The following VPS35L variants were observed in gnomAD, a reference collection of about 807,000 sequenced individuals.
The protein encoded by VPS35L is VPS35 endosomal protein-sorting factor-like.
VPS35L carries 83 observed loss-of-function variants against 133.0 expected under a neutral mutation model. The observed-to-expected ratio is 0.62, with a 90% CI of 0.52 to 0.75. VPS35L has a LOEUF of 0.75. Ranked by LOEUF, VPS35L falls within the 30% of genes least tolerant of loss-of-function variation. VPS35L has a pLI of 0.00. For synonymous variants in VPS35L, 423 were observed against 449.9 expected, an observed-to-expected ratio of 0.94 and a Z score of 0.76; for missense variants, 1,083 against 1,206.8, an observed-to-expected ratio of 0.90 and a Z score of 1.52.
At chr16:19,593,400 A>G (rs1567407434) in intron 8 of VPS35L, among the ~76,000 whole-genome samples, 1 of 152,222 alleles carries the variant, frequency 6.6e-6, no homozygotes, top group East Asian at 1.9e-4. Flanking sequence ...GAAAGATACA[A>G]TGTGTCAGAA....
At chr16:19,634,298 G>T (rs934147127) in intron 19 of VPS35L, among the ~76,000 whole-genome samples, 1 of 151,856 alleles carries the variant, frequency 6.6e-6, no homozygotes, top group South Asian at 2.1e-4. Flanking sequence ...TTAGCCATGC[G>T]TGGTGGTGCA....
intron 14 of VPS35L, among the ~76,000 whole-genome samples, chr16:19,622,168 G>T (rs1973106307): frequency 1.7e-5 from 2 of 118,374 alleles, no homozygotes; most frequent in African/African-American, 3.1e-5. Context: ...TTTTTAAGAC[G>T]GAGTCCTGCT....
At chr16:19,628,777 T>TTGTA in intron 17 of VPS35L, 24 bp downstream of exon 17, 1 of 787,264 alleles carries the variant, frequency 1.3e-6, no homozygotes, top group Non-Finnish European at 1.8e-6. Flanking sequence ...TTATTTTTAT[T>TTGTA]TTTATTTATT....
chr16:19,572,256 A>G (rs764944270), intron 3 of VPS35L, among the ~76,000 whole-genome samples: 1 of 152,122 alleles, frequency 6.6e-6, no homozygotes, highest in African/African-American at 2.4e-5. Flanking sequence ...CATCTCTACT[A>G]AAAATACAAA....
intron 24 of VPS35L, among the ~76,000 whole-genome samples, chr16:19,648,485 T>A (rs1974023507): frequency 1.3e-5 from 2 of 152,032 alleles, no homozygotes; most frequent in African/African-American, 4.8e-5. Context: ...TAACAAGAGG[T>A]TCCCTACTTT....
intron 22 of VPS35L, 35 bp from the exon 23 acceptor site, chr16:19,644,850 AC>A (rs2055913035): frequency 1.4e-6 from 2 of 1,443,962 alleles, no homozygotes; most frequent in African/African-American, 2.8e-5. Context: ...TTCATCTATT[AC>A]CTCCGTGTTA....
intron 27 of VPS35L, among the ~76,000 whole-genome samples, chr16:19,675,020 A>C (rs1344491078): frequency 6.7e-6 from 1 of 150,308 alleles, no homozygotes; most frequent in Non-Finnish European, 1.5e-5. Context: ...GCATAATCAC[A>C]CTAGCGGCAT....
chr16:19,580,907 C>G (rs2151517327), intron 6 of VPS35L, among the ~76,000 whole-genome samples: 1 of 152,218 alleles, frequency 6.6e-6, no homozygotes, highest in South Asian at 2.1e-4. Flanking sequence ...TGGTTCCTGT[C>G]AGTGATCAGC....
chr16:19,609,082 A>G (rs1355853837), intron 11 of VPS35L, 61 bp downstream of exon 11: 2 of 1,396,126 alleles, frequency 1.4e-6, no homozygotes, highest in Non-Finnish European at 2.0e-6. Flanking sequence ...ATGTGTACAC[A>G]GATAGTAATG....
chr16:19,591,702 A>G (rs909920413), intron 7 of VPS35L, 88 bp from the exon 8 acceptor site: 6 of 995,990 alleles, frequency 6.0e-6, no homozygotes, highest in Non-Finnish European at 9.3e-6. Flanking sequence ...CAACTTGTAT[A>G]TAGAAACCAT....
chr16:19,688,320 C>G (rs1371325108), intron 28 of VPS35L, among the ~76,000 whole-genome samples: 1 of 152,134 alleles, frequency 6.6e-6, no homozygotes, highest in Non-Finnish European at 1.5e-5. Flanking sequence ...GAGACAGTAT[C>G]CTTCCTACTT....
At chr16:19,685,385 C>T (rs1178603656) in intron 28 of VPS35L, among the ~76,000 whole-genome samples, 1 of 152,188 alleles carries the variant, frequency 6.6e-6, no homozygotes, top group African/African-American at 2.4e-5. Flanking sequence ...TTTTGCATTG[C>T]TGTATAGTAT....
At position 19,575,093 on chromosome 16, in the gene VPS35L, T is replaced by C; in HGVS notation, c.409-5T>C. The stretch of plus-strand genomic sequence containing the variant: ...AAAATATTAATGAATTTTATGTCTC[T>C]GCAGAATCTGTTTATGGGATCTGAA... On this transcript the variant is annotated splice_region_variant and splice_polypyrimidine_tract_variant and intron_variant, in intron 4 of 30. Coordinates refer to ENST00000417362, the MANE Select transcript of VPS35L (RefSeq NM_020314.7). 6.2e-7 allele frequency: 1 copy of C among 1,603,658 alleles called. No individual in the cohort carries two copies. Among genetic ancestry groups the C allele is most frequent in the Non-Finnish European group, 8.5e-7 (1 of 1,173,404 alleles).
intron 3 of VPS35L, among the ~76,000 whole-genome samples, chr16:19,570,880 TATATATATA>T (rs1971357582): frequency 2.4e-4 from 21 of 87,676 alleles, no homozygotes; most frequent in Admixed American, 7.7e-4. Context: ...TATATATATA[TATATATATA>T]TTTTTGAGAT....
intron 29 of VPS35L, 56 bp downstream of exon 29, chr16:19,691,527 A>C: frequency 7.0e-7 from 1 of 1,434,200 alleles, no homozygotes; most frequent in Non-Finnish European, 9.8e-7. Flanking sequence ...ACAAGTTTCC[A>C]GGGTGGTTCA....
At chr16:19,587,007 A>G (rs990791144) in intron 7 of VPS35L, among the ~76,000 whole-genome samples, 2 of 152,192 alleles carry the variant, frequency 1.3e-5, no homozygotes, top group African/African-American at 4.8e-5. Flanking sequence ...TATAGGAAGC[A>G]TGGCTGCGGA....
chr16:19,656,962 GTTTTTTT>G (rs1180404849), intron 26 of VPS35L, among the ~76,000 whole-genome samples: 2 of 109,560 alleles, frequency 1.8e-5, no homozygotes, highest in African/African-American at 7.1e-5. Context: ...AAAAGAACTT[GTTTTTTT>G]TTTTTTTTTT....
At chr16:19,614,679 G>A (rs1972830232) in intron 12 of VPS35L, among the ~76,000 whole-genome samples, 1 of 152,238 alleles carries the variant, frequency 6.6e-6, no homozygotes, top group South Asian at 2.1e-4. Flanking sequence ...CCAAAGTGCT[G>A]GGATTACAGG....
chr16:19,571,320 A>G (rs1971377622), intron 3 of VPS35L, among the ~76,000 whole-genome samples: 1 of 151,058 alleles, frequency 6.6e-6, no homozygotes, highest in Non-Finnish European at 1.5e-5. Context: ...GGGCTCGAAC[A>G]ATCCCCCTGC....
Sources: allele counts gnomAD v4.1 joint callset (sites outside exome capture counted in the v4.1 genomes callset), GRCh38; gene constraint gnomAD v4.1.1; transcripts MANE v1.5; gene names NCBI Gene and HGNC (gene_info 2026-07-23, HGNC 2026-07-21).